R3HDM1: variants seen among roughly 807,000 people sequenced by gnomAD.
The protein encoded by R3HDM1 is R3H domain-containing protein 1.
In R3HDM1, 46 loss-of-function variants were observed where a neutral mutation model predicts 141.1. The ratio of observed to expected loss-of-function variants is 0.33; its 90% confidence interval spans 0.26 to 0.42. The LOEUF is 0.42. Among genes scored for constraint, R3HDM1 ranks in the 10% least tolerant of loss-of-function variants. The pLI is 1.00. For synonymous variants in R3HDM1, 435 were observed against 472.9 expected (o/e 0.92, Z 1.04); for missense variants, 1,184 against 1,368.3 (o/e 0.87, Z 2.12).
chr2:135,633,971 C>A (rs2062988616), intron 9 of R3HDM1: 1 of 152,048 alleles, frequency 6.6e-6, no homozygotes, highest in Admixed American at 6.6e-5. Context: ...ATATAAACTC[C>A]ATGAATAAGA....
chr2:135,695,713 G>A (rs1365916855), intron 21 of R3HDM1, among the ~76,000 whole-genome samples: 1 of 150,706 alleles, frequency 6.6e-6, no homozygotes, highest in African/African-American at 2.5e-5. Context: ...ATCTTTATTT[G>A]AAGAAGTGAA....
chr2:135,579,093 GC>G, intron 1 of R3HDM1, among the ~76,000 whole-genome samples: 1 of 152,274 alleles, frequency 6.6e-6, no homozygotes, highest in Admixed American at 6.5e-5. Context: ...TTCTTTAAAT[GC>G]CATTCTCCAG....
intron 20 of R3HDM1, among the ~76,000 whole-genome samples, chr2:135,677,835 A>C (rs1306249711): frequency 6.6e-6 from 1 of 152,052 alleles, no homozygotes; most frequent in East Asian, 1.9e-4. Flanking sequence ...TCTGTCCTAC[A>C]CCTCCTGAGT....
intron 7 of R3HDM1, among the ~76,000 whole-genome samples, chr2:135,630,151 C>T (rs953474828): frequency 6.6e-6 from 1 of 150,992 alleles, no homozygotes; most frequent in Non-Finnish European, 1.5e-5. Flanking sequence ...GTGGTGCATG[C>T]CTGTAGTCCC....
intron 1 of R3HDM1, chr2:135,590,580 T>C (rs1709031141): frequency 1.2e-5 from 12 of 985,422 alleles, no homozygotes; most frequent in Non-Finnish European, 1.4e-5. Flanking sequence ...TTTTTGTGTT[T>C]TGTGCAAAGC....
rs563136409 is a variant in R3HDM1 at position 135,539,664 on chromosome 2, GA to G, written c.-250+8041del. ...AGGTTTACTACTGATGTTATCATTT[GA>G]AAAAAAAAAGAGTTTTATACAATTC... On this transcript the variant is annotated intron_variant, in intron 1 of 26. Coordinates refer to ENST00000683871, the MANE Select transcript of R3HDM1 (RefSeq NM_001378107.1). 2.3e-3 allele frequency among the ~76,000 whole-genome samples: 344 copies of G among 146,580 alleles called. 4 individuals are homozygous for G. Among genetic ancestry groups the G allele is most frequent in the African/African-American group, 8.1e-3 (326 of 40,068 alleles).
intron 1 of R3HDM1, among the ~76,000 whole-genome samples, chr2:135,548,017 C>T (rs1304495346): frequency 6.6e-6 from 1 of 152,082 alleles, no homozygotes; most frequent in African/African-American, 2.4e-5. Context: ...CGTGATCCAC[C>T]CGCCTTAGCC....
chr2:135,651,929 C>T lies in R3HDM1; in HGVS notation c.1925C>T (p.Pro642Leu). 4 of 1,614,060 alleles carry T rather than the reference C, an allele frequency of 2.5e-6. No individual in the cohort carries two copies. Among genetic ancestry groups the T allele is most frequent in the Non-Finnish European group, 3.4e-6 (4 of 1,179,962 alleles). The change falls in exon 18 of 27, where the codon CCA (proline) becomes CTA (leucine). Residue 642 changes from proline (P) to leucine (L), a missense_variant. This residue lies in a region of R3HDM1 where 563 missense variants were observed against 562.0 expected (regional missense o/e 1.00). Transcript: ENST00000683871. ...PPPPPPPPPL[P>L]PGQPVPTAGY... ...CCACCACCTCCTCCTCCTCCCCTAC[C>T]ACCTGGGCAGCCAGTCCCTACTGCT... is the stretch of plus-strand genomic sequence containing the variant.
intron 11 of R3HDM1, 66 bp downstream of exon 11, chr2:135,636,249 CT>C (rs2063235446): frequency 6.5e-7 from 1 of 1,534,774 alleles, no homozygotes; most frequent in African/African-American, 1.4e-5. Context: ...GGGTCTCAGT[CT>C]CCCTTTTATC....
chr2:135,546,329 A>G (rs896873878), intron 1 of R3HDM1, among the ~76,000 whole-genome samples: 5 of 152,132 alleles, frequency 3.3e-5, no homozygotes, highest in African/African-American at 9.7e-5. Flanking sequence ...ATCAGTGTCA[A>G]TGTCACCTGT....
chr2:135,654,422 TTTCTTTTGTTGTTG>T, intron 18 of R3HDM1, among the ~76,000 whole-genome samples: 1 of 144,618 alleles, frequency 6.9e-6, no homozygotes, highest in South Asian at 2.4e-4. Flanking sequence ...TTTGGAATGT[TTTCTTTTGTTGTTG>T]TTGTTGTTGT....
chr2:135,636,029 G>A, intron 10 of R3HDM1, 31 bp downstream of exon 10: 13 of 1,608,066 alleles, frequency 8.1e-6, no homozygotes, highest in Non-Finnish European at 1.1e-5. Flanking sequence ...GATTTGTATA[G>A]GTGCAAGACA....
chr2:135,587,702 C>A (rs1300008089), intron 1 of R3HDM1, among the ~76,000 whole-genome samples: 1 of 152,102 alleles, frequency 6.6e-6, no homozygotes, highest in Non-Finnish European at 1.5e-5. Flanking sequence ...TTCTTACTTA[C>A]AACTGCTTTT....
intron 19 of R3HDM1, chr2:135,665,413 G>A: frequency 1.9e-6 from 1 of 532,408 alleles, no homozygotes; most frequent in South Asian, 1.4e-5. Context: ...GTTGGATTCG[G>A]GGCCGTAGCA....
At chr2:135,664,133 A>C (rs2067156695) in intron 19 of R3HDM1, among the ~76,000 whole-genome samples, 1 of 151,636 alleles carries the variant, frequency 6.6e-6, no homozygotes, top group Non-Finnish European at 1.5e-5. Flanking sequence ...ATGATAGTTT[A>C]TTGTTTTTGA....
chr2:135,715,828 C>G, intron 24 of R3HDM1, 134 bp downstream of exon 24: 1 of 1,081,890 alleles, frequency 9.2e-7, no homozygotes, highest in Non-Finnish European at 1.3e-6. Flanking sequence ...TCAGGCATGT[C>G]TATTTGTGAC....
chr2:135,637,987 CTTTG>C (rs1219460914), intron 11 of R3HDM1, among the ~76,000 whole-genome samples: 1 of 152,162 alleles, frequency 6.6e-6, no homozygotes, highest in Non-Finnish European at 1.5e-5. Context: ...TCCAGTAAAA[CTTTG>C]TTTGCAGAAA....
intron 7 of R3HDM1, among the ~76,000 whole-genome samples, chr2:135,630,212 G>A (rs2062518960): frequency 7.1e-6 from 1 of 140,608 alleles, no homozygotes; most frequent in Admixed American, 7.6e-5. Context: ...GAGAGGCGGA[G>A]GTAGTAGTGA....
intron 7 of R3HDM1, among the ~76,000 whole-genome samples, chr2:135,630,486 A>G (rs545971085): frequency 1.3e-5 from 2 of 152,170 alleles, no homozygotes; most frequent in South Asian, 4.1e-4. Flanking sequence ...CACCAAGTAG[A>G]CATGTTTTTC....
Sources: gnomAD v4.1 joint callset for allele counts (sites outside exome capture counted in the v4.1 genomes callset) on GRCh38, gnomAD v4.1.1 for gene constraint, gnomAD v4.1.1 regional missense constraint, MANE v1.5 for transcripts, NCBI Gene and HGNC (gene_info 2026-07-23, HGNC 2026-07-21) for gene names.